The following CAMTA1 variants were observed in gnomAD, a reference collection of about 807,000 sequenced individuals.
CAMTA1 encodes the protein calmodulin-binding transcription activator 1.
CAMTA1 carries 27 observed loss-of-function variants against 170.9 expected under a neutral mutation model. That is an observed-to-expected ratio of 0.16 (90% CI 0.12 to 0.22). CAMTA1 has a LOEUF of 0.22. CAMTA1 is among the 10% of genes least tolerant of loss of function. CAMTA1 has a pLI of 1.00. For synonymous variants in CAMTA1, 833 were observed against 891.5 expected, an observed-to-expected ratio of 0.93 and a Z score of 1.17; for missense variants, 1,619 against 2,217.2, an observed-to-expected ratio of 0.73 and a Z score of 5.42.
chr1:7,559,809 G>T (rs1576054032), intron 6 of CAMTA1, among the ~76,000 whole-genome samples: 1 of 152,158 alleles, frequency 6.6e-6, no homozygotes, highest in South Asian at 2.1e-4. Context: ...CTCCTCCCTA[G>T]ATCTGGGCTG....
In CAMTA1 at chr1:7,279,473, C is replaced by T. The variant is rs1671201404; in HGVS notation, c.438+29847C>T. ...AGGGAAGCCAGGGGACCGGCAGCCC[C>T]AAAAGCTGTCAATGTCATAAGTCAT... On this transcript the variant is annotated intron_variant, in intron 5 of 22. Coordinates refer to ENST00000303635, the MANE Select transcript of CAMTA1 (RefSeq NM_015215.4). Among the ~76,000 whole-genome samples, 7 of 152,234 alleles carry T rather than the reference C, an allele frequency of 4.6e-5. No individual in the cohort carries two copies. In the South Asian group the frequency reaches 1.5e-3, roughly 32 times the overall value.
intron 4 of CAMTA1, among the ~76,000 whole-genome samples, chr1:7,189,982 A>T (rs951181661): frequency 6.6e-6 from 1 of 152,254 alleles, no homozygotes; most frequent in Non-Finnish European, 1.5e-5. Context: ...TGGCATTTGC[A>T]GTAACCTGGA....
At chr1:7,404,088 G>A (rs2090116739) in intron 5 of CAMTA1, among the ~76,000 whole-genome samples, 1 of 152,148 alleles carries the variant, frequency 6.6e-6, no homozygotes, top group South Asian at 2.1e-4. Context: ...ATATATGGGT[G>A]GGTGGTTTTA....
chr1:7,301,434 A>C (rs1375635573), intron 5 of CAMTA1, among the ~76,000 whole-genome samples: 1 of 152,242 alleles, frequency 6.6e-6, no homozygotes, highest in Non-Finnish European at 1.5e-5. Flanking sequence ...GGTGGAGCGT[A>C]CAAAGGAGTC....
rs34801355 is a variant in CAMTA1 at position 6,947,547 on chromosome 1, A to ATT, written c.234+122350_234+122351dup. Among the ~76,000 whole-genome samples, 633 of 143,614 alleles carry ATT rather than the reference A, an allele frequency of 4.4e-3. 2 individuals carry two copies. The highest frequency in any genetic ancestry group is 0.014 in the Middle Eastern group (4 of 282). The allele number at this position is 143,614 out of a possible 152,430, so 94.2% of individuals were successfully genotyped here. A position where few individuals can be genotyped will look rare whatever the true frequency, so the allele number is the denominator to read the frequency against. ...AGGCGCGTGTCACCATGCCTGACTA[A>ATT]TTTTTTTTTTTTTTGAGTAGAGATG... On this transcript the variant is annotated intron_variant, in intron 3 of 22. Transcript: ENST00000303635.
chr1:7,739,795 A>G (rs940681512), intron 16 of CAMTA1, among the ~76,000 whole-genome samples: 6 of 152,224 alleles, frequency 3.9e-5, no homozygotes, highest in African/African-American at 1.2e-4. Flanking sequence ...TGGGAGCTAC[A>G]GTTCAAGATT....
intron 3 of CAMTA1, among the ~76,000 whole-genome samples, chr1:6,888,785 G>T (rs74051028): frequency 7.3e-5 from 11 of 151,578 alleles, no homozygotes; most frequent in Admixed American, 2.6e-4. Flanking sequence ...TACCAATATT[G>T]TTCTTAAAAA....
chr1:7,240,636 C>T (rs1574128569), intron 4 of CAMTA1, among the ~76,000 whole-genome samples: 1 of 151,942 alleles, frequency 6.6e-6, no homozygotes, highest in Admixed American at 6.6e-5. Flanking sequence ...ATTCTCTCAC[C>T]TCAGCCTCCT....
At chr1:7,109,778 A>G (rs1395773679) in intron 4 of CAMTA1, among the ~76,000 whole-genome samples, 1 of 152,198 alleles carries the variant, frequency 6.6e-6, no homozygotes, top group Admixed American at 6.5e-5. Context: ...TTAGTGTTTG[A>G]GGACTGGGGG....
chr1:7,126,108 C>G (rs1410141755), intron 4 of CAMTA1, among the ~76,000 whole-genome samples: 1 of 152,136 alleles, frequency 6.6e-6, no homozygotes, highest in Non-Finnish European at 1.5e-5. Context: ...TTCCATGAGA[C>G]TTTTTCACTA....
At chr1:7,632,923 C>A (rs772959620) in intron 6 of CAMTA1, among the ~76,000 whole-genome samples, 4 of 152,364 alleles carry the variant, frequency 2.6e-5, no homozygotes, top group East Asian at 1.9e-4. Flanking sequence ...GCACCTCCCC[C>A]ACCTCCGCCT....
intron 3 of CAMTA1, among the ~76,000 whole-genome samples, chr1:6,985,303 A>C (rs61780912): frequency 0.053 from 8,011 of 152,304 alleles, 269 homozygotes; most frequent in South Asian, 0.12. Context: ...GCCCACTGTG[A>C]ATGGGAGGAG....
At chr1:6,811,299 A>G (rs971754129) in intron 1 of CAMTA1, among the ~76,000 whole-genome samples, 6 of 152,158 alleles carry the variant, frequency 3.9e-5, no homozygotes, top group Non-Finnish European at 8.8e-5. Context: ...CTTTTTCTCT[A>G]TGTTAAGTAG....
chr1:7,032,732 G>A (rs1702978839), intron 3 of CAMTA1, among the ~76,000 whole-genome samples: 1 of 151,860 alleles, frequency 6.6e-6, no homozygotes, highest in African/African-American at 2.4e-5. Context: ...TTCTTGTAGT[G>A]CATGTCTGCT....
chr1:7,519,461 G>A (rs2094331091), intron 6 of CAMTA1, among the ~76,000 whole-genome samples: 1 of 151,962 alleles, frequency 6.6e-6, no homozygotes, highest in African/African-American at 2.4e-5. Context: ...CCCTTTGGAG[G>A]CATTCAAGGA....
At chr1:7,166,452 T>A (rs1198614638) in intron 4 of CAMTA1, among the ~76,000 whole-genome samples, 1 of 152,234 alleles carries the variant, frequency 6.6e-6, no homozygotes, top group African/African-American at 2.4e-5. Flanking sequence ...CTGTCCAAGA[T>A]GTTTGTATTG....
chr1:7,495,237 G>A (rs1368485902), intron 6 of CAMTA1, among the ~76,000 whole-genome samples: 3 of 152,176 alleles, frequency 2.0e-5, no homozygotes, highest in African/African-American at 7.2e-5. Context: ...GTTTCGGGGG[G>A]TAAACTACAA....
chr1:7,320,106 T>C (rs566822564), intron 5 of CAMTA1, among the ~76,000 whole-genome samples: 106 of 152,344 alleles, frequency 7.0e-4, no homozygotes, highest in African/African-American at 2.5e-3. Context: ...TTTTCTTGCT[T>C]TATTACACTG....
chr1:7,349,731 T>A (rs554579705), intron 5 of CAMTA1, among the ~76,000 whole-genome samples: 5 of 152,360 alleles, frequency 3.3e-5, no homozygotes, highest in African/African-American at 1.2e-4. Context: ...TCACTTTAAC[T>A]TTATCATCTG....
Sources: allele counts gnomAD v4.1 joint callset (sites outside exome capture counted in the v4.1 genomes callset), GRCh38; gene constraint gnomAD v4.1.1; transcripts MANE v1.5; gene names NCBI Gene and HGNC (gene_info 2026-07-23, HGNC 2026-07-21).